Variants in CMSS1 observed in about 807,000 individuals in gnomAD.
The protein encoded by CMSS1 is cms1 ribosomal small subunit homolog.
Under a neutral mutation model 43.5 loss-of-function variants are expected in CMSS1, and 33 were observed. The ratio of observed to expected loss-of-function variants is 0.76; its 90% CI spans 0.57 to 1.01. The LOEUF (loss-of-function observed/expected upper bound fraction) is 1.01, where lower values mean the gene tolerates loss of function less well. Ranked by LOEUF, CMSS1 falls within the 50% of genes least tolerant of loss-of-function variation. The pLI is 0.00. For missense variants in CMSS1, 313 were observed against 326.4 expected (o/e 0.96, Z 0.32); for synonymous variants, 115 against 117.2 (o/e 0.98, Z 0.12).
chr3:100,127,002 A>AC (rs2066669070), intron 1 of CMSS1, among the ~76,000 whole-genome samples: 1 of 152,108 alleles, frequency 6.6e-6, no homozygotes, highest in Non-Finnish European at 1.5e-5. Flanking sequence ...CGTCTCAAAA[A>AC]AAAAAAAAGA....
intron 1 of CMSS1, among the ~76,000 whole-genome samples, chr3:99,825,535 GAT>G (rs1942520286): frequency 6.6e-6 from 1 of 152,104 alleles, no homozygotes; most frequent in Admixed American, 6.5e-5. Flanking sequence ...AGTTCTTTCA[GAT>G]GATTAAATGA....
At chr3:100,073,635 G>A (rs147375349) in intron 1 of CMSS1, among the ~76,000 whole-genome samples, 140 of 152,220 alleles carry the variant, frequency 9.2e-4, no homozygotes, top group African/African-American at 3.2e-3. Context: ...CCTCAAAGAA[G>A]GCCAGGAAGT....
chr3:99,848,959 A>G, intron 1 of CMSS1: 1 of 1,614,018 alleles, frequency 6.2e-7, no homozygotes, highest in Non-Finnish European at 8.5e-7. Context: ...GTCTGGAGTA[A>G]CCTTTATATG....
intron 1 of CMSS1, among the ~76,000 whole-genome samples, chr3:99,859,823 TTCTATGGGACTTTTCACTGTTTAG>T (rs1294391541): frequency 6.6e-6 from 1 of 152,188 alleles, no homozygotes; most frequent in Non-Finnish European, 1.5e-5. Context: ...TCCCTGCTTT[TTCTATGGGACTTTTCACTGTTTAG>T]TCTAAATTTT....
rs151197490 is a variant in CMSS1 at position 99,831,055 on chromosome 3, A to G, written c.64+13012A>G. 6.7e-3 allele frequency among the ~76,000 whole-genome samples: 1,027 copies of G among 152,336 alleles called. 3 individuals carry two copies. Among genetic ancestry groups the G allele is most frequent in the African/African-American group, 8.6e-3 (357 of 41,572 alleles). On this transcript the variant is annotated intron_variant, in intron 1 of 9. Coordinates refer to ENST00000421999, the MANE Select transcript of CMSS1 (RefSeq NM_032359.4). ...GAGATGGGCAGCTCCAATGATGATTAGTGGAACAGCTTGGTAGTATGTATC... is the reference window on the plus strand; with the variant it reads ...GAGATGGGCAGCTCCAATGATGATTGGTGGAACAGCTTGGTAGTATGTATC...
At chr3:99,823,937 T>G (rs1419801450) in intron 1 of CMSS1, among the ~76,000 whole-genome samples, 1 of 151,490 alleles carries the variant, frequency 6.6e-6, no homozygotes, top group Non-Finnish European at 1.5e-5. Flanking sequence ...TTTTTTTTTT[T>G]TTTGAGCTGG....
chr3:99,829,963 G>A (rs2107482442), intron 1 of CMSS1, among the ~76,000 whole-genome samples: 1 of 152,302 alleles, frequency 6.6e-6, no homozygotes, highest in Non-Finnish European at 1.5e-5. Flanking sequence ...TAATTGTCCT[G>A]TCATCTTGAT....
chr3:100,008,064 A>G (rs1265245072), intron 1 of CMSS1, among the ~76,000 whole-genome samples: 1 of 152,228 alleles, frequency 6.6e-6, no homozygotes, highest in Non-Finnish European at 1.5e-5. Context: ...CCAAGTTGAC[A>G]TAACATTTTC....
intron 1 of CMSS1, among the ~76,000 whole-genome samples, chr3:100,118,620 A>G (rs997577621): frequency 6.6e-6 from 1 of 152,192 alleles, no homozygotes; most frequent in East Asian, 1.9e-4. Context: ...AGATCCTACA[A>G]TATAATTATC....
intron 2 of CMSS1, among the ~76,000 whole-genome samples, chr3:100,151,192 C>G (rs1199969373): frequency 6.6e-6 from 1 of 152,228 alleles, no homozygotes; most frequent in African/African-American, 2.4e-5. Context: ...TATTCATTCT[C>G]TGATTCACCT....
chr3:99,863,726 C>G (rs1006833853), intron 1 of CMSS1, among the ~76,000 whole-genome samples: 1 of 152,130 alleles, frequency 6.6e-6, no homozygotes, highest in African/African-American at 2.4e-5. Context: ...TGTATTAAAA[C>G]GTATACTAGG....
intron 1 of CMSS1, among the ~76,000 whole-genome samples, chr3:99,998,656 G>A (rs954742315): frequency 2.0e-5 from 3 of 152,102 alleles, no homozygotes; most frequent in Admixed American, 1.3e-4. Flanking sequence ...TCCGCCTCCC[G>A]GGTTCACGCG....
At chr3:99,839,725 T>TCATA (rs1943047626) in intron 1 of CMSS1, among the ~76,000 whole-genome samples, 1 of 152,160 alleles carries the variant, frequency 6.6e-6, no homozygotes, top group Admixed American at 6.5e-5. Flanking sequence ...ATATAGATGT[T>TCATA]CAAGTATGAA....
intron 1 of CMSS1, among the ~76,000 whole-genome samples, chr3:100,057,500 T>C (rs2065485399): frequency 6.6e-6 from 1 of 152,230 alleles, no homozygotes. Flanking sequence ...TGTTCTTGGG[T>C]AACACTAAAA....
At chr3:99,831,854 A>T (rs1277521140) in intron 1 of CMSS1, among the ~76,000 whole-genome samples, 1 of 152,226 alleles carries the variant, frequency 6.6e-6, no homozygotes, top group Non-Finnish European at 1.5e-5. Context: ...CACTTGGAAA[A>T]GTGCTGCCAT....
At chr3:99,955,739 A>G (rs917566608) in intron 1 of CMSS1, among the ~76,000 whole-genome samples, 1 of 152,206 alleles carries the variant, frequency 6.6e-6, no homozygotes, top group Non-Finnish European at 1.5e-5. Context: ...TTGATTTTAC[A>G]TAGAGTATGG....
chr3:100,035,952 A>T (rs1212627366), intron 1 of CMSS1, among the ~76,000 whole-genome samples: 10 of 152,340 alleles, frequency 6.6e-5, no homozygotes, highest in Admixed American at 6.5e-4. Flanking sequence ...GATGAATGAG[A>T]CATAGTCCTT....
At chr3:100,110,509 A>T (rs2066473204) in intron 1 of CMSS1, among the ~76,000 whole-genome samples, 1 of 152,180 alleles carries the variant, frequency 6.6e-6, no homozygotes, top group Admixed American at 6.6e-5. Flanking sequence ...ATAGAGAAAA[A>T]AGTAGCTAAA....
At chr3:99,847,892 C>A (rs887127714) in intron 1 of CMSS1, 1 of 955,438 alleles carries the variant, frequency 1.0e-6, no homozygotes, top group Non-Finnish European at 1.3e-6. Context: ...AGAAATATAA[C>A]ACAGAATGAC....
Sources: allele counts gnomAD v4.1 joint callset (sites outside exome capture counted in the v4.1 genomes callset), GRCh38; gene constraint gnomAD v4.1.1; transcripts MANE v1.5; gene names NCBI Gene and HGNC (gene_info 2026-07-23, HGNC 2026-07-21).